SDK2: variants seen among roughly 807,000 people sequenced by gnomAD.
The protein encoded by SDK2 is protein sidekick-2.
A neutral mutation model predicts 253.9 loss-of-function variants in SDK2; 105 were observed. That is an observed-to-expected ratio of 0.41 (90% CI 0.35 to 0.49). The LOEUF is 0.49. SDK2 is among the 20% of genes least tolerant of loss of function. The pLI is 0.06. For missense variants in SDK2, 2,608 were observed against 3,003.0 expected, an observed-to-expected ratio of 0.87 and a Z score of 3.07; for synonymous variants, 1,249 against 1,234.9, an observed-to-expected ratio of 1.01 and a Z score of -0.24.
At chr17:73,339,222 TGTTTTTG>T (rs1568356219) in intron 44 of SDK2, among the ~76,000 whole-genome samples, 2 of 117,492 alleles carry the variant, frequency 1.7e-5, no homozygotes, top group African/African-American at 5.6e-5. Context: ...AGTTTTTTTT[TGTTTTTG>T]TTTTTGTTTT....
chr17:73,524,628 A>G (rs2145792029), intron 1 of SDK2, among the ~76,000 whole-genome samples: 1 of 152,334 alleles, frequency 6.6e-6, no homozygotes, highest in East Asian at 1.9e-4. Flanking sequence ...GTCTGCAGTC[A>G]TGAGGGCCAG....
intron 1 of SDK2, among the ~76,000 whole-genome samples, chr17:73,587,754 G>A (rs778392870): frequency 2.6e-5 from 4 of 152,194 alleles, no homozygotes; most frequent in African/African-American, 4.8e-5. Context: ...CCGCTTCTCT[G>A]GATCTGGCTC....
chr17:73,340,455 A>G (rs1304267070), intron 44 of SDK2, among the ~76,000 whole-genome samples: 7 of 152,182 alleles, frequency 4.6e-5, no homozygotes, highest in Non-Finnish European at 1.0e-4. Context: ...ATGGGATCAT[A>G]TAATATGTGG....
chr17:73,371,329 C>A (rs59019023), intron 36 of SDK2, among the ~76,000 whole-genome samples: 1,767 of 151,870 alleles, frequency 0.012, 41 homozygotes, highest in African/African-American at 0.041. Context: ...GTGGATTGAT[C>A]CCTGGGGGCC....
intron 1 of SDK2, among the ~76,000 whole-genome samples, chr17:73,514,582 G>A (rs2064008518): frequency 6.6e-6 from 1 of 152,156 alleles, no homozygotes; most frequent in African/African-American, 2.4e-5. Context: ...AGGGGGTGAT[G>A]GCTTCTGCCA....
chr17:73,579,202 C>T (rs1224022216), intron 1 of SDK2, among the ~76,000 whole-genome samples: 1 of 152,202 alleles, frequency 6.6e-6, no homozygotes, highest in Non-Finnish European at 1.5e-5. Flanking sequence ...TCTCACTCAT[C>T]CTCCGCAGTC....
intron 40 of SDK2, among the ~76,000 whole-genome samples, chr17:73,353,842 T>A (rs538982351): frequency 6.6e-6 from 1 of 151,706 alleles, no homozygotes; most frequent in African/African-American, 2.4e-5. Context: ...TAGCTGGGAT[T>A]ACAGGCTTAC....
Position 73,383,894 on chromosome 17 carries a change from T to G in SDK2, c.4687A>C (p.Thr1563Pro). The change falls in exon 33 of 45, where the codon ACA (threonine) becomes CCA (proline). Residue 1563 changes from threonine (T) to proline (P), a missense_variant. Around this residue, in one of 2 missense-constraint regions of SDK2, gnomAD observed 1,103 missense variants for 1,143.9 expected, o/e 0.96. Transcript: ENST00000392650. The surrounding 1 kb of genome is among the most constrained non-coding windows in gnomAD (Gnocchi z 4.3). ...TLRGINNPGATWAELTSMYSM... is the reference protein window; with the variant it reads ...TLRGINNPGAPWAELTSMYSM... ...CACTCACAGGTAAGCTCAGCCCATGTGGCCCCTGGGTTGTTGATGCCTCGA... is the reference window on the plus strand; with the variant it reads ...CACTCACAGGTAAGCTCAGCCCATGGGGCCCCTGGGTTGTTGATGCCTCGA... 1.2e-6 allele frequency: 2 copies of G among 1,613,982 alleles called. No individual in the cohort carries two copies. Among genetic ancestry groups the G allele is most frequent in the Non-Finnish European group, 1.7e-6 (2 of 1,179,882 alleles).
chr17:73,437,885 G>A, intron 7 of SDK2, 63 bp from the exon 8 acceptor site: 22 of 1,607,954 alleles, frequency 1.4e-5, no homozygotes, highest in Non-Finnish European at 1.8e-5. Context: ...AGCCACTGTA[G>A]GGGGTCACCC....
Position 73,644,012 on chromosome 17 carries a change from G to T in SDK2, c.64+13C>A, listed in dbSNP as rs961038889. 5.8e-5 allele frequency: 89 copies of T among 1,547,366 alleles called. No individual in the cohort carries two copies. The highest frequency in any genetic ancestry group is 7.7e-5 in the Non-Finnish European group (88 of 1,145,036). On this transcript the variant is annotated intron_variant, in intron 1 of 44. Coordinates refer to ENST00000392650, the MANE Select transcript of SDK2 (RefSeq NM_001144952.2). The surrounding 1 kb of genome is among the most constrained non-coding windows in gnomAD (Gnocchi z 6.3). Reference sequence around the variant, plus strand: ...AGCCCCCTCCCTGTCCCCACGTGGGGGTCCCTCCTTACCTTGGGCTCTGGC... The same window carrying T: ...AGCCCCCTCCCTGTCCCCACGTGGGTGTCCCTCCTTACCTTGGGCTCTGGC...
chr17:73,378,970 G>T (rs181104823), intron 36 of SDK2, among the ~76,000 whole-genome samples: 16 of 152,260 alleles, frequency 1.1e-4, no homozygotes, highest in African/African-American at 3.6e-4. Flanking sequence ...GATGGATGTG[G>T]TTCAGCTTCA....
chr17:73,382,712 C>A (rs2062840720), intron 33 of SDK2, among the ~76,000 whole-genome samples: 1 of 152,192 alleles, frequency 6.6e-6, no homozygotes, highest in Admixed American at 6.5e-5. Context: ...TTTGAAAAAT[C>A]AAAAACAGGC....
At chr17:73,441,430 G>A (rs2063414974) in intron 5 of SDK2, among the ~76,000 whole-genome samples, 1 of 152,158 alleles carries the variant, frequency 6.6e-6, no homozygotes. Flanking sequence ...TTACAGGTTT[G>A]TAATTAGTTA....
chr17:73,582,774 T>C (rs11651134), intron 1 of SDK2, among the ~76,000 whole-genome samples: 1 of 152,344 alleles, frequency 6.6e-6, no homozygotes, highest in Non-Finnish European at 1.5e-5. Context: ...GGTCTAGATC[T>C]GTCCATCCAA....
chr17:73,423,126 C>T (rs1321167515), intron 14 of SDK2, among the ~76,000 whole-genome samples: 1 of 152,208 alleles, frequency 6.6e-6, no homozygotes, highest in East Asian at 1.9e-4. Context: ...TAAATAAATA[C>T]TGGCCATTTT....
chr17:73,433,674 C>A lies in SDK2; in HGVS notation c.1312+58G>T, dbSNP rs2063344655. 23 of 1,332,220 alleles carry A rather than the reference C, an allele frequency of 1.7e-5. No individual in the cohort carries two copies. In the South Asian group the frequency reaches 2.9e-4, roughly 17 times the overall value. The allele number at this position is 1,332,220 out of a possible 1,614,324, so 82.5% of individuals were successfully genotyped here. ...ACCTGGCTGGCTCCAGAGCCTAGTT[C>A]TGAAGACTCTTCTAGGCTATCACCC... On this transcript the variant is annotated intron_variant, in intron 10 of 44. Transcript: ENST00000392650.
chr17:73,600,517 T>C (rs1373025985), intron 1 of SDK2, among the ~76,000 whole-genome samples: 1 of 151,932 alleles, frequency 6.6e-6, no homozygotes. Flanking sequence ...ACCCAGGGCT[T>C]CTCTGGGGCA....
chr17:73,436,744 G>C (rs1236092212), intron 8 of SDK2, among the ~76,000 whole-genome samples: 1 of 151,620 alleles, frequency 6.6e-6, no homozygotes, highest in African/African-American at 2.4e-5. Context: ...TCCACCATGC[G>C]CTCTCTTTCC....
rs1488686603 is a variant in SDK2, at chr17:73,447,875, C to A, written c.480-127G>T. The A allele has an allele frequency of 1.8e-5, 19 of 1,045,014 alleles. No individual in the cohort carries two copies. Among genetic ancestry groups the A allele is most frequent in the Non-Finnish European group, 1.4e-6 (1 of 717,594 alleles). The allele number at this position is 1,045,014 out of a possible 1,614,324, so 64.7% of individuals were successfully genotyped here. A position where few individuals can be genotyped will look rare whatever the true frequency, so the allele number is the denominator to read the frequency against. ...CAGTCCCCAGCCTCCCAGGGCCCCTCCTGCCACCCCCTCCCCAACCTCTTA... is the reference window on the plus strand; with the variant it reads ...CAGTCCCCAGCCTCCCAGGGCCCCTACTGCCACCCCCTCCCCAACCTCTTA... On this transcript the variant is annotated intron_variant, in intron 4 of 44. Coordinates refer to ENST00000392650, the MANE Select transcript of SDK2 (RefSeq NM_001144952.2). This position sits in a 1 kb window ranked among gnomAD's most constrained non-coding sequence, Gnocchi z 4.0.
Sources: gnomAD v4.1 joint callset for allele counts (sites outside exome capture counted in the v4.1 genomes callset) on GRCh38, gnomAD v4.1.1 for gene constraint, gnomAD v4.1.1 regional missense constraint, Gnocchi (gnomAD v3.1) non-coding constraint, MANE v1.5 for transcripts, NCBI Gene and HGNC (gene_info 2026-07-23, HGNC 2026-07-21) for gene names.